TG: variants seen among roughly 807,000 people sequenced by gnomAD.
TG encodes the protein thyroid hormones.
TG carries 270 observed loss-of-function variants against 324.7 expected under a neutral mutation model. The observed-to-expected ratio is 0.83, with a 90% CI of 0.75 to 0.92. TG has a LOEUF of 0.92. Ranked by LOEUF, TG falls within the 40% of genes least tolerant of loss-of-function variation. The probability of loss-of-function intolerance (pLI) is 0.00; values close to 1 mark genes in which losing one functional copy is unlikely to be tolerated. For synonymous variants in TG, 1,401 were observed against 1,327.0 expected, an observed-to-expected ratio of 1.06 and a Z score of -1.21; for missense variants, 3,591 against 3,456.4, an observed-to-expected ratio of 1.04 and a Z score of -0.98.
chr8:132,970,451 T>G (rs2130519645), intron 32 of TG, among the ~76,000 whole-genome samples: 1 of 152,190 alleles, frequency 6.6e-6, no homozygotes, highest in East Asian at 1.9e-4. Flanking sequence ...TGGGATGGAG[T>G]TCAAGAATCT....
chr8:133,108,307 G>A (rs1482491759), intron 43 of TG, among the ~76,000 whole-genome samples: 4 of 152,052 alleles, frequency 2.6e-5, no homozygotes, highest in Non-Finnish European at 5.9e-5. Flanking sequence ...CCTTTATCTA[G>A]CAGGGGTTTG....
In TG at chr8:132,954,339, G is replaced by GT. The variant is rs201186556; in HGVS notation, c.5401+5399dup. ...TGCTATGTTTGTGTCTTAGTTTATA[G>GT]TTTGGATTCCCCCAGAATCAACCAT... On this transcript the variant is annotated intron_variant, in intron 27 of 47. Coordinates refer to ENST00000220616, the MANE Select transcript of TG (RefSeq NM_003235.5). 1.1e-3 allele frequency among the ~76,000 whole-genome samples: 164 copies of GT among 152,294 alleles called. No homozygotes were observed. In the East Asian group the frequency reaches 0.024, roughly 23 times the overall value.
intron 41 of TG, among the ~76,000 whole-genome samples, chr8:133,065,635 G>A (rs1842931422): frequency 6.6e-6 from 1 of 152,030 alleles, no homozygotes; most frequent in South Asian, 2.1e-4. Flanking sequence ...GTTGGCACAT[G>A]CCTGTAATCC....
At chr8:133,049,888 A>T (rs761360471) in intron 41 of TG, 2 of 1,542,936 alleles carry the variant, frequency 1.3e-6, no homozygotes, top group Admixed American at 3.3e-5. Context: ...CTGCCATTTG[A>T]GAAATGTACT....
rs376248815 is a variant in TG, at chr8:132,983,299, A to T, written c.6200-51A>T. The T allele has an allele frequency of 2.5e-6, 4 of 1,586,458 alleles. No individual in the cohort carries two copies. The African/African-American group carries it at 4.0e-5, about 16-fold the overall frequency. ...CTTATATTAATGCCTTCTGAACTCG[A>T]TGATACCATGGGGGTAGAAAAGAAC... is the stretch of plus-strand genomic sequence containing the variant. On this transcript the variant is annotated intron_variant, in intron 34 of 47. Transcript: ENST00000220616.
intron 34 of TG, among the ~76,000 whole-genome samples, chr8:132,973,031 T>C (rs894087512): frequency 6.6e-6 from 1 of 152,190 alleles, no homozygotes; most frequent in Non-Finnish European, 1.5e-5. Context: ...GCCATGATCA[T>C]CATTAATCTG....
chr8:133,009,911 A>G (rs1834355101), intron 35 of TG, among the ~76,000 whole-genome samples: 1 of 152,080 alleles, frequency 6.6e-6, no homozygotes, highest in African/African-American at 2.4e-5. Flanking sequence ...TAGCAGCTTG[A>G]GCAACCAAAA....
intron 32 of TG, among the ~76,000 whole-genome samples, chr8:132,970,827 A>G (rs1416452588): frequency 6.6e-6 from 1 of 152,190 alleles, no homozygotes; most frequent in East Asian, 1.9e-4. Context: ...CTTCCAAGAT[A>G]GGAAAAGGAA....
chr8:133,051,638 A>T (rs1447106237), intron 41 of TG, among the ~76,000 whole-genome samples: 1 of 152,158 alleles, frequency 6.6e-6, no homozygotes, highest in Admixed American at 6.6e-5. Context: ...TTTGAAAAGG[A>T]AAGAGGGCTG....
intron 35 of TG, among the ~76,000 whole-genome samples, chr8:133,005,988 T>C (rs1833985601): frequency 6.6e-6 from 1 of 152,162 alleles, no homozygotes; most frequent in Admixed American, 6.5e-5. Flanking sequence ...AGAACTCCTT[T>C]CCTGAGGCCT....
At chr8:133,033,909 TTA>T (rs1239128090) in intron 41 of TG, among the ~76,000 whole-genome samples, 1 of 152,252 alleles carries the variant, frequency 6.6e-6, no homozygotes, top group Non-Finnish European at 1.5e-5. Flanking sequence ...GCTTGAAAAC[TTA>T]TATGAGTTTA....
chr8:132,902,800 G>A (rs542714406), intron 16 of TG, among the ~76,000 whole-genome samples: 1 of 152,206 alleles, frequency 6.6e-6, no homozygotes, highest in Non-Finnish European at 1.5e-5. Flanking sequence ...CAGGTCTGGA[G>A]CACAGCTCCT....
At chr8:132,915,233 G>T (rs1430620510) in intron 20 of TG, among the ~76,000 whole-genome samples, 2 of 152,176 alleles carry the variant, frequency 1.3e-5, no homozygotes, top group Non-Finnish European at 2.9e-5. Flanking sequence ...GGTGCCCTCT[G>T]CAGCCAGAGA....
At chr8:133,121,968 C>G (rs1025157360) in intron 45 of TG, among the ~76,000 whole-genome samples, 7 of 152,162 alleles carry the variant, frequency 4.6e-5, no homozygotes, top group African/African-American at 1.4e-4. Context: ...CTCTTTCTCT[C>G]TCTCTCTCTC....
chr8:133,042,071 G>A (rs1838358776), intron 41 of TG, among the ~76,000 whole-genome samples: 3 of 152,166 alleles, frequency 2.0e-5, no homozygotes, highest in African/African-American at 7.2e-5. Flanking sequence ...ACAGGTGTGA[G>A]CCACCACACC....
intron 41 of TG, chr8:133,045,212 C>CT: frequency 1.3e-5 from 17 of 1,321,838 alleles, no homozygotes; most frequent in Non-Finnish European, 1.5e-5. Context: ...GGAGACCTGC[C>CT]CACCCTTGGG....
chr8:133,014,495 T>C (rs894413008), intron 37 of TG, among the ~76,000 whole-genome samples: 6 of 152,218 alleles, frequency 3.9e-5, no homozygotes, highest in Non-Finnish European at 8.8e-5. Context: ...TTGATGACTG[T>C]TGTTAGCTAC....
At chr8:132,885,606 C>T (rs892882416) in intron 8 of TG, among the ~76,000 whole-genome samples, 16 of 148,722 alleles carry the variant, frequency 1.1e-4, no homozygotes, top group African/African-American at 3.9e-4. Flanking sequence ...GCATTGAAGT[C>T]TATTGAGAAT....
intron 35 of TG, among the ~76,000 whole-genome samples, chr8:133,006,739 G>T (rs1834049162): frequency 6.6e-6 from 1 of 152,222 alleles, no homozygotes; most frequent in African/African-American, 2.4e-5. Context: ...ATTATGAATA[G>T]TCAGTTGTAT....
Sources: allele counts gnomAD v4.1 joint callset (sites outside exome capture counted in the v4.1 genomes callset), GRCh38; gene constraint gnomAD v4.1.1; transcripts MANE v1.5; gene names NCBI Gene and HGNC (gene_info 2026-07-23, HGNC 2026-07-21).